The following AKAP11 variants were observed in gnomAD, a reference collection of about 807,000 sequenced individuals.
The protein encoded by AKAP11 is A-kinase anchor protein 11.
Under a neutral mutation model 146.1 loss-of-function variants are expected in AKAP11, and 36 were observed. The ratio of observed to expected loss-of-function variants is 0.25; its 90% CI spans 0.19 to 0.33. The LOEUF (loss-of-function observed/expected upper bound fraction) is 0.33. Among genes scored for constraint, AKAP11 ranks in the 10% least tolerant of loss-of-function variants. The probability of loss-of-function intolerance (pLI) is 1.00; values close to 1 mark genes in which losing one functional copy is unlikely to be tolerated. For missense variants in AKAP11, 2,201 were observed against 2,197.0 expected, an observed-to-expected ratio of 1.00 and a Z score of -0.04; for synonymous variants, 780 against 786.5, an observed-to-expected ratio of 0.99 and a Z score of 0.14.
chr13:42,308,267 T>G (rs977565137), intron 8 of AKAP11, among the ~76,000 whole-genome samples, 187 bp from the exon 9 acceptor site: 1 of 152,184 alleles, frequency 6.6e-6, no homozygotes, highest in African/African-American at 2.4e-5. Flanking sequence ...CAGTTAACTT[T>G]GAAATTAATA....
At chr13:42,305,939 CT>C (rs1278097463) in intron 8 of AKAP11, among the ~76,000 whole-genome samples, 1 of 152,166 alleles carries the variant, frequency 6.6e-6, no homozygotes, top group African/African-American at 2.4e-5. Flanking sequence ...CTGCCAGACA[CT>C]TTTAAAACCA....
rs776694664 is a variant in AKAP11 at position 42,301,978 on chromosome 13, A to T, written c.3232A>T (p.Thr1078Ser). 6.2e-7 allele frequency: 1 copy of T among 1,614,154 alleles called. No individual in the cohort carries two copies. Among genetic ancestry groups the T allele is most frequent in the South Asian group, 1.1e-5 (1 of 91,076 alleles). ...ACATACTTTCTCATCTACAGCACTTACCTGTGTAGATGGTTTGCATGTGGA... is the reference window on the plus strand; with the variant it reads ...ACATACTTTCTCATCTACAGCACTTTCCTGTGTAGATGGTTTGCATGTGGA... ...HSHTFSSTAL[T>S]CVDGLHVEDK... Residue 1078 changes from threonine (T) to serine (S), a missense_variant, in exon 8 of 13, where the codon ACC becomes TCC. Transcript: ENST00000025301.
Position 42,308,469 on chromosome 13 carries a change from A to C in AKAP11, c.5133A>C (p.Glu1711Asp). 6.3e-7 allele frequency: 1 copy of C among 1,591,170 alleles called. No homozygotes were observed. The highest frequency in any genetic ancestry group is 8.6e-7 in the Non-Finnish European group (1 of 1,167,744). The change falls in exon 9 of 13, where the codon GAA becomes GAC. Residue 1711 changes from glutamate to aspartate, a missense_variant. Transcript: ENST00000025301. ...GHAVSSSKEI[E>D]DFQSTESVSS... ...TTCTTTTTAGTTCAAAAGAAATAGA[A>C]GACTTTCAGTCAACCGAGTCTGTCA...
rs538008886 is a variant in AKAP11 at position 42,279,640 on chromosome 13, C to T, written c.-99-6346C>T. The stretch of plus-strand genomic sequence containing the variant: ...ATATTTGTACTATAGTTTTACAATC[C>T]TTTTCTGTTCCTGCCATCATCACTG... On this transcript the variant is annotated intron_variant, in intron 1 of 12. Transcript: ENST00000025301. Among the ~76,000 whole-genome samples, 3 of 152,178 alleles carry T rather than the reference C, an allele frequency of 2.0e-5. No homozygotes were observed. The South Asian group carries it at 6.2e-4, about 32-fold the overall frequency.
intron 1 of AKAP11, among the ~76,000 whole-genome samples, chr13:42,283,466 A>G (rs960513154): frequency 1.3e-5 from 2 of 152,122 alleles, no homozygotes; most frequent in Non-Finnish European, 2.9e-5. Flanking sequence ...CATTTGCTTT[A>G]TTATTCAATC....
At chr13:42,297,937 TTTC>T (rs1959612474) in intron 6 of AKAP11, among the ~76,000 whole-genome samples, 1 of 152,080 alleles carries the variant, frequency 6.6e-6, no homozygotes, top group African/African-American at 2.4e-5. Context: ...TTATATTTGA[TTTC>T]TAGTTTTTTG....
At position 42,303,367 on chromosome 13, in the gene AKAP11, G is replaced by C; in HGVS notation, c.4621G>C (p.Glu1541Gln). The C allele has an allele frequency of 1.9e-6, 3 of 1,613,208 alleles. No homozygotes were observed. Among genetic ancestry groups the C allele is most frequent in the Non-Finnish European group, 2.5e-6 (3 of 1,180,036 alleles). Reference sequence around the variant, plus strand: ...TGGAGACAATGTTGTTCAAGCTGTAGAACAGTATGCCAAAAAAGTAGTGGA... The same window carrying C: ...TGGAGACAATGTTGTTCAAGCTGTACAACAGTATGCCAAAAAAGTAGTGGA... ...GCGDNVVQAV[E>Q]QYAKKVVDDT... The change falls in exon 8 of 13, where the codon GAA becomes CAA. Residue 1541 changes from glutamate to glutamine, a missense_variant. By Grantham distance (29) the Glu-to-Gln change is conservative. Around this residue, in one of 3 missense-constraint regions of AKAP11, gnomAD observed 1,867 missense variants for 1,833.5 expected, o/e 1.02. Transcript: ENST00000025301.
At chr13:42,283,286 G>A (rs948370583) in intron 1 of AKAP11, among the ~76,000 whole-genome samples, 6 of 152,176 alleles carry the variant, frequency 3.9e-5, no homozygotes, top group African/African-American at 9.7e-5. Context: ...GAAACAGAGT[G>A]TAAATATAGA....
intron 9 of AKAP11, among the ~76,000 whole-genome samples, chr13:42,312,675 T>G (rs985937447): frequency 6.6e-6 from 1 of 152,196 alleles, no homozygotes; most frequent in African/African-American, 2.4e-5. Context: ...TTTAACTTTA[T>G]CCAAATAGAA....
chr13:42,315,261 T>C (rs1245227511), intron 11 of AKAP11, among the ~76,000 whole-genome samples: 2 of 152,194 alleles, frequency 1.3e-5, no homozygotes, highest in East Asian at 1.9e-4. Context: ...TTTTTTAGTT[T>C]TAATGCCTCT....
intron 5 of AKAP11, 132 bp downstream of exon 5, chr13:42,295,874 C>T (rs61959442): frequency 0.15 from 110,026 of 731,994 alleles, 8,654 homozygotes; most frequent in South Asian, 0.2. Context: ...GTGTATAATA[C>T]AGAATGTATG....
intron 1 of AKAP11, among the ~76,000 whole-genome samples, chr13:42,281,980 C>CTTTCT (rs1959070878): frequency 7.1e-6 from 1 of 141,484 alleles, no homozygotes; most frequent in African/African-American, 2.6e-5. Flanking sequence ...TTTTTTCTTT[C>CTTTCT]TTTTTTTTTT....
In AKAP11 at chr13:42,297,326, A is replaced by G. The variant is rs181440666; in HGVS notation, c.351+144A>G. On this transcript the variant is annotated intron_variant, in intron 6 of 12. Coordinates refer to ENST00000025301, the MANE Select transcript of AKAP11 (RefSeq NM_016248.4). Reference sequence around the variant, plus strand: ...GGAAATATGATTCATAAGAAATATAACTCATGAAGCATTGACATCCCTGAA... The same window carrying G: ...GGAAATATGATTCATAAGAAATATAGCTCATGAAGCATTGACATCCCTGAA... 35 of 579,020 alleles carry G rather than the reference A, an allele frequency of 6.0e-5. No homozygotes were observed. The East Asian group carries it at 1.3e-3, about 21-fold the overall frequency. 35.9% of individuals were successfully genotyped at this position (579,020 alleles called of 1,614,324 possible). A position where few individuals can be genotyped will look rare whatever the true frequency, so the allele number is the denominator to read the frequency against.
intron 10 of AKAP11, 128 bp from the exon 11 acceptor site, chr13:42,313,766 T>A: frequency 1.4e-6 from 1 of 711,406 alleles, no homozygotes; most frequent in Middle Eastern, 3.8e-4. Context: ...TAATTGTCAT[T>A]TCTCCCCTTT....
intron 1 of AKAP11, among the ~76,000 whole-genome samples, chr13:42,278,092 A>T (rs2138413922): frequency 6.6e-6 from 1 of 152,304 alleles, no homozygotes; most frequent in South Asian, 2.1e-4. Flanking sequence ...TACCATGCAT[A>T]CACAGCCTCC....
At chr13:42,283,130 G>T (rs1294103362) in intron 1 of AKAP11, among the ~76,000 whole-genome samples, 1 of 152,074 alleles carries the variant, frequency 6.6e-6, no homozygotes, top group East Asian at 1.9e-4. Context: ...CTTTACAAAA[G>T]TATGTCATAT....
chr13:42,279,263 CCA>C (rs144570815), intron 1 of AKAP11, among the ~76,000 whole-genome samples: 2,609 of 150,146 alleles, frequency 0.017, 46 homozygotes, highest in Middle Eastern at 0.076. Flanking sequence ...ACGTGCACAC[CCA>C]CACACACACA....
At chr13:42,281,457 C>T (rs982059709) in intron 1 of AKAP11, among the ~76,000 whole-genome samples, 9 of 152,024 alleles carry the variant, frequency 5.9e-5, no homozygotes, top group East Asian at 1.9e-4. Flanking sequence ...TGTTGACAGG[C>T]GCTTCACAGA....
chr13:42,305,274 C>T (rs112921001), intron 8 of AKAP11, among the ~76,000 whole-genome samples: 1 of 152,162 alleles, frequency 6.6e-6, no homozygotes, highest in East Asian at 1.9e-4. Flanking sequence ...CATGGTCTGC[C>T]TCTTTTCTTA....
Sources: gnomAD v4.1 joint callset for allele counts (sites outside exome capture counted in the v4.1 genomes callset) on GRCh38, gnomAD v4.1.1 for gene constraint, gnomAD v4.1.1 regional missense constraint, MANE v1.5 for transcripts, NCBI Gene and HGNC (gene_info 2026-07-23, HGNC 2026-07-21) for gene names.